The following AGBL1 variants were observed in gnomAD, a reference collection of about 807,000 sequenced individuals.
AGBL1 encodes AGBL carboxypeptidase 1.
A neutral mutation model predicts 118.9 loss-of-function variants in AGBL1; 130 were observed. The observed-to-expected ratio is 1.09, with a 90% CI of 0.95 to 1.26. The LOEUF (loss-of-function observed/expected upper bound fraction) is 1.26. Among genes scored for constraint, AGBL1 ranks in the 50% most tolerant of loss-of-function variants. The pLI is 0.00. For missense variants in AGBL1, 1,584 were observed against 1,298.1 expected, an observed-to-expected ratio of 1.22 and a Z score of -3.38; for synonymous variants, 555 against 478.9, an observed-to-expected ratio of 1.16 and a Z score of -2.08.
At chr15:86,959,109 G>A (rs1389781294) in intron 23 of AGBL1, among the ~76,000 whole-genome samples, 1 of 152,078 alleles carries the variant, frequency 6.6e-6, no homozygotes, top group Non-Finnish European at 1.5e-5. Context: ...AGTTACAGAT[G>A]TACTTAAGTC....
rs984778489 is a variant in AGBL1, at chr15:86,264,469, A to G, written c.1298A>G (p.Asn433Ser). 5 of 1,614,026 alleles carry G rather than the reference A, an allele frequency of 3.1e-6. No homozygotes were observed. Among genetic ancestry groups the G allele is most frequent in the Non-Finnish European group, 4.2e-6 (5 of 1,179,892 alleles). ...RSTVHLGSKK[N>S]PGVNLYQNVQ... Reference sequence around the variant, plus strand: ...ACTGTGCATCTAGGCTCCAAAAAAAATCCTGGAGTGAACCTGTACCAAAAT... The same window carrying G: ...ACTGTGCATCTAGGCTCCAAAAAAAGTCCTGGAGTGAACCTGTACCAAAAT... Residue 433 changes from asparagine (N) to serine (S), a missense_variant, in exon 11 of 23, where the codon AAT (asparagine) becomes AGT (serine). Asn to Ser is a conservative substitution (Grantham distance 46). Coordinates refer to ENST00000614907, the MANE Select transcript of AGBL1 (RefSeq NM_001386094.1).
At chr15:86,308,147 G>C (rs757467458) in intron 17 of AGBL1, among the ~76,000 whole-genome samples, 2 of 152,078 alleles carry the variant, frequency 1.3e-5, no homozygotes, top group Admixed American at 6.6e-5. Flanking sequence ...TAACATGTTT[G>C]AGTTGGCATC....
chr15:86,835,792 C>G (rs1318284289), intron 22 of AGBL1, among the ~76,000 whole-genome samples: 1 of 152,084 alleles, frequency 6.6e-6, no homozygotes, highest in East Asian at 1.9e-4. Context: ...AGGGCATTAG[C>G]TGGGAAGGAG....
intron 18 of AGBL1, among the ~76,000 whole-genome samples, chr15:86,454,213 A>T (rs2082233223): frequency 6.6e-6 from 1 of 152,174 alleles, no homozygotes; most frequent in Non-Finnish European, 1.5e-5. Context: ...TGAGAGTCCT[A>T]TGCCTGTCCA....
chr15:86,693,474 T>A (rs986673040), intron 22 of AGBL1, among the ~76,000 whole-genome samples: 7 of 152,156 alleles, frequency 4.6e-5, no homozygotes, highest in Non-Finnish European at 8.8e-5. Context: ...TGCTAATTTT[T>A]TGAGTTCCTT....
chr15:86,139,603 ACAAT>A (rs1055645793), intron 1 of AGBL1, among the ~76,000 whole-genome samples: 1 of 150,898 alleles, frequency 6.6e-6, no homozygotes, highest in Non-Finnish European at 1.5e-5. Context: ...TTCTGAAAAC[ACAAT>A]CAATCTCCTG....
Position 86,379,574 on chromosome 15 carries a change from T to C in AGBL1, c.2375-17792T>C, listed in dbSNP as rs181492754. Among the ~76,000 whole-genome samples, 8 of 152,350 alleles carry C rather than the reference T, an allele frequency of 5.3e-5. No homozygotes were observed. In the East Asian group the frequency reaches 1.3e-3, roughly 26 times the overall value. ...TTGATTGGGCAATTGATGTGTGCCA[T>C]GTACTTTGCAAAATGCTTTACATGC... is the stretch of plus-strand genomic sequence containing the variant. On this transcript the variant is annotated intron_variant, in intron 17 of 22. Coordinates refer to ENST00000614907, the MANE Select transcript of AGBL1 (RefSeq NM_001386094.1).
At chr15:86,672,610 T>A (rs2085766707) in intron 21 of AGBL1, among the ~76,000 whole-genome samples, 1 of 152,112 alleles carries the variant, frequency 6.6e-6, no homozygotes, top group Non-Finnish European at 1.5e-5. Flanking sequence ...TCACTTCCAA[T>A]CAAGCCAGCC....
At chr15:86,326,271 T>A (rs1022133302) in intron 17 of AGBL1, among the ~76,000 whole-genome samples, 1 of 152,186 alleles carries the variant, frequency 6.6e-6, no homozygotes, top group Non-Finnish European at 1.5e-5. Context: ...TCCTGCCTCC[T>A]TATGAAACAA....
chr15:86,359,452 T>C (rs1216222602), intron 17 of AGBL1, among the ~76,000 whole-genome samples: 2 of 150,558 alleles, frequency 1.3e-5, no homozygotes, highest in Admixed American at 6.6e-5. Flanking sequence ...AGTTTTGTAA[T>C]ATATTTTGAA....
intron 24 of AGBL1, among the ~76,000 whole-genome samples, chr15:86,989,132 G>A (rs2081313209): frequency 1.3e-5 from 2 of 151,538 alleles, no homozygotes. Context: ...CTCTCAAGTA[G>A]CTGGGACTAC....
At chr15:86,284,786 T>C (rs1334098419) in intron 16 of AGBL1, among the ~76,000 whole-genome samples, 1 of 152,214 alleles carries the variant, frequency 6.6e-6, no homozygotes, top group Non-Finnish European at 1.5e-5. Flanking sequence ...AGGAAGTCTT[T>C]TATCAAAGTT....
At chr15:86,385,085 T>A (rs1398036025) in intron 17 of AGBL1, among the ~76,000 whole-genome samples, 3 of 152,102 alleles carry the variant, frequency 2.0e-5, no homozygotes, top group Non-Finnish European at 4.4e-5. Flanking sequence ...TAAAAGTGAT[T>A]AGTCCAAATT....
At chr15:86,687,275 C>G (rs1351417328) in intron 22 of AGBL1, among the ~76,000 whole-genome samples, 2 of 152,130 alleles carry the variant, frequency 1.3e-5, no homozygotes, top group East Asian at 1.9e-4. Flanking sequence ...TCAGGCACCT[C>G]TGTCTGCAAA....
intron 22 of AGBL1, among the ~76,000 whole-genome samples, chr15:86,770,238 C>G (rs1176219731): frequency 6.6e-6 from 1 of 151,942 alleles, no homozygotes; most frequent in African/African-American, 2.4e-5. Flanking sequence ...GGGTCCTGCT[C>G]TCATGAAGCT....
At chr15:86,960,049 T>A (rs1291495634) in intron 23 of AGBL1, among the ~76,000 whole-genome samples, 1 of 152,164 alleles carries the variant, frequency 6.6e-6, no homozygotes, top group Non-Finnish European at 1.5e-5. Flanking sequence ...ATTTTTTAAA[T>A]AATTCAACTG....
At position 86,247,692 on chromosome 15, in the gene AGBL1, T is replaced by C. The variant is rs769767419; in HGVS notation, c.548T>C (p.Val183Ala). ...LKSKSNGRRA[V>A]NRGYVTSLLG... ...TCAGAGTCGAACGGCCGCAGAGCAG[T>C]GAACCGAGGCTACGTCACCAGCCTG... The change falls in exon 7 of 23, where the codon GTG (valine) becomes GCG (alanine). Residue 183 changes from valine to alanine, a missense_variant. Coordinates refer to ENST00000614907, the MANE Select transcript of AGBL1 (RefSeq NM_001386094.1). The C allele has an allele frequency of 1.9e-6, 3 of 1,609,886 alleles. No homozygotes were observed. The highest frequency in any genetic ancestry group is 2.5e-6 in the Non-Finnish European group (3 of 1,178,166).
chr15:86,512,397 A>G, intron 18 of AGBL1, among the ~76,000 whole-genome samples: 1 of 151,934 alleles, frequency 6.6e-6, no homozygotes. Flanking sequence ...TCTGGACATC[A>G]AATCATTGTC....
chr15:86,813,641 T>C (rs1468422023), intron 22 of AGBL1, among the ~76,000 whole-genome samples: 1 of 152,108 alleles, frequency 6.6e-6, no homozygotes, highest in Non-Finnish European at 1.5e-5. Context: ...CTCTCATTTC[T>C]CGTGGGTGGC....
Sources: gnomAD v4.1 joint callset for allele counts (sites outside exome capture counted in the v4.1 genomes callset) on GRCh38, gnomAD v4.1.1 for gene constraint, MANE v1.5 for transcripts, NCBI Gene and HGNC (gene_info 2026-07-23, HGNC 2026-07-21) for gene names.